NUP153: variants seen among roughly 807,000 people sequenced by gnomAD.
The protein encoded by NUP153 is nucleoporin 153, also known as nuclear pore complex protein Nup153.
In NUP153, 27 loss-of-function variants were observed where a neutral mutation model predicts 134.6. That is an observed-to-expected ratio of 0.20 (90% confidence interval 0.15 to 0.28). The LOEUF is 0.28. Ranked by LOEUF, NUP153 falls within the 10% of genes least tolerant of loss-of-function variation. The probability of loss-of-function intolerance (pLI) is 1.00; values close to 1 mark genes in which losing one functional copy is unlikely to be tolerated. For synonymous variants in NUP153, 640 were observed against 623.5 expected (o/e 1.03, Z -0.40); for missense variants, 1,821 against 1,731.3 (o/e 1.05, Z -0.92).
At chr6:17,634,073 TTC>T (rs1336711632) in intron 16 of NUP153, among the ~76,000 whole-genome samples, 1 of 152,084 alleles carries the variant, frequency 6.6e-6, no homozygotes, top group African/African-American at 2.4e-5. Context: ...TTCAATCAAT[TTC>T]TGACTCTTCT....
intron 15 of NUP153, among the ~76,000 whole-genome samples, chr6:17,639,112 C>T (rs1465949903): frequency 6.6e-6 from 1 of 151,470 alleles, no homozygotes; most frequent in Non-Finnish European, 1.5e-5. Flanking sequence ...GAGTCTTGCT[C>T]TGTCGCCCAG....
chr6:17,646,002 A>G (rs1766151551), intron 14 of NUP153, 65 bp downstream of exon 14: 1 of 612,094 alleles, frequency 1.6e-6, no homozygotes, highest in South Asian at 2.3e-5. Flanking sequence ...AGGTGAAAGA[A>G]GCTGAAATAC....
At chr6:17,701,842 GGGAAA>G (rs1055035039) in intron 1 of NUP153, among the ~76,000 whole-genome samples, 2 of 102,912 alleles carry the variant, frequency 1.9e-5, no homozygotes, top group African/African-American at 3.6e-5. Context: ...CGGGGGGGGG[GGGAAA>G]AAAGCTAAAT....
chr6:17,682,382 A>G (rs963081609), intron 2 of NUP153, among the ~76,000 whole-genome samples: 9 of 152,152 alleles, frequency 5.9e-5, no homozygotes, highest in Admixed American at 3.3e-4. Context: ...GGTTGGTTGT[A>G]GCAATTTCTT....
chr6:17,647,578 T>C (rs929818568), intron 13 of NUP153, among the ~76,000 whole-genome samples: 6 of 152,354 alleles, frequency 3.9e-5, no homozygotes, highest in Admixed American at 3.3e-4. Flanking sequence ...GGAAATCCAG[T>C]TGTTTGCATT....
chr6:17,631,961 A>G (rs1054316682), intron 17 of NUP153, among the ~76,000 whole-genome samples: 1 of 151,268 alleles, frequency 6.6e-6, no homozygotes, highest in Non-Finnish European at 1.5e-5. Context: ...GCAAGACACC[A>G]TCTCAAAAAA....
intron 2 of NUP153, 92 bp downstream of exon 2, chr6:17,688,304 C>T (rs1322311408): frequency 6.8e-6 from 6 of 877,220 alleles, no homozygotes; most frequent in East Asian, 2.5e-5. Context: ...GTTTATGTAC[C>T]GCCTGATTAG....
At chr6:17,688,716 T>C in intron 1 of NUP153, 98 bp from the exon 2 acceptor site, 1 of 902,562 alleles carries the variant, frequency 1.1e-6, no homozygotes, top group African/African-American at 1.7e-5. Context: ...AACACAATGG[T>C]GTCCAACAAG....
intron 20 of NUP153, among the ~76,000 whole-genome samples, chr6:17,617,290 G>A (rs554054297): frequency 2.2e-4 from 34 of 152,150 alleles, no homozygotes; most frequent in African/African-American, 7.5e-4. Flanking sequence ...TCTTTGAAAA[G>A]TGCATTAAAA....
At chr6:17,653,376 C>T (rs572554743) in intron 11 of NUP153, among the ~76,000 whole-genome samples, 1 of 152,254 alleles carries the variant, frequency 6.6e-6, no homozygotes, top group South Asian at 2.1e-4. Context: ...TGAGATACCA[C>T]CACACACAAA....
At chr6:17,667,744 AAC>A (rs1490151702) in intron 8 of NUP153, among the ~76,000 whole-genome samples, 1 of 152,098 alleles carries the variant, frequency 6.6e-6, no homozygotes, top group Non-Finnish European at 1.5e-5. Flanking sequence ...AGAAAAATCC[AAC>A]AGTCTGCTTT....
chr6:17,663,836 G>C (rs1204911938), intron 9 of NUP153, among the ~76,000 whole-genome samples: 1 of 151,966 alleles, frequency 6.6e-6, no homozygotes, highest in Non-Finnish European at 1.5e-5. Context: ...CAGATTATGG[G>C]ACATTTTATA....
rs1768148374 is a variant in NUP153 at position 17,675,278 on chromosome 6, C to G, written c.674G>C (p.Ser225Thr). ...CAAGTTGAATGCTGGTTTTTTTGAG[C>G]TGGTGGCAGTGTGCTGTGAGAGTGA... The part of the protein sequence containing the change: ...SHSLSQHTAT[S>T]SKKPAFNLSA... The change falls in exon 4 of 22, where the codon AGC becomes ACC. Residue 225 changes from serine (S) to threonine (T), a missense_variant. Physicochemically the swap from Ser to Thr is moderately conservative, Grantham distance 58. Coordinates refer to ENST00000262077, the MANE Select transcript of NUP153 (RefSeq NM_005124.4). This position sits in a 1 kb window ranked among gnomAD's most constrained non-coding sequence, Gnocchi z 4.4. 1 of 1,613,878 alleles carries G rather than the reference C, an allele frequency of 6.2e-7. No homozygotes were observed. The highest frequency in any genetic ancestry group is 1.7e-5 in the Admixed American group (1 of 59,998).
rs964060853 is a variant in NUP153 at position 17,680,907 on chromosome 6, C to A, written c.335-5137G>T. Among the ~76,000 whole-genome samples the A allele has an allele frequency of 6.6e-6, 1 of 152,104 alleles. No homozygotes were observed. The highest frequency in any genetic ancestry group is 2.4e-5 in the African/African-American group (1 of 41,410). On this transcript the variant is annotated intron_variant, in intron 2 of 21. Transcript: ENST00000262077. The surrounding 1 kb of genome is among the most constrained non-coding windows in gnomAD (Gnocchi z 4.5). Reference sequence around the variant, plus strand: ...ACTAAAAGTAGAACCACAATATGATCCAACAATCCCACTGCTGGGTATATA... The same window carrying A: ...ACTAAAAGTAGAACCACAATATGATACAACAATCCCACTGCTGGGTATATA...
In NUP153 at chr6:17,661,637, GA is replaced by G. The variant is rs1176043574; in HGVS notation, c.1395+15del. On this transcript the variant is annotated intron_variant, in intron 11 of 21. Transcript: ENST00000262077. ...TTTTAAATAAACCTCAAGAGTATAT[GA>G]GTATACAACCCTACCTCCTCCTCCA... The G allele has an allele frequency of 6.2e-7, 1 of 1,609,356 alleles. No individual in the cohort carries two copies. Among genetic ancestry groups the G allele is most frequent in the Non-Finnish European group, 8.5e-7 (1 of 1,177,878 alleles).
At chr6:17,678,613 G>A (rs1173522562) in intron 2 of NUP153, among the ~76,000 whole-genome samples, 2 of 152,198 alleles carry the variant, frequency 1.3e-5, no homozygotes, top group Non-Finnish European at 2.9e-5. Flanking sequence ...GACTGTATTT[G>A]CCATTCTGTA....
intron 12 of NUP153, 76 bp from the exon 13 acceptor site, chr6:17,647,981 C>A: frequency 2.3e-6 from 2 of 870,034 alleles, no homozygotes; most frequent in Admixed American, 2.1e-5. Context: ...AGACATTAAG[C>A]AAACTGATTA....
chr6:17,628,731 T>C lies in NUP153; in HGVS notation c.3468A>G (p.Thr1156=), dbSNP rs191056487. 5.6e-6 allele frequency: 9 copies of C among 1,614,148 alleles called. No homozygotes were observed. In the African/African-American group the frequency reaches 1.1e-4, roughly 19 times the overall value. ...GTTCAGATTCCTTCTCAGATGGTTT[T>C]GTCATACTAAAACTAAATGTGGACT... ...SSKSTFSFSM[T]KPSEKESEQP... is the part of the protein sequence containing the mutation. The change falls in exon 18 of 22, where the codon ACA becomes ACG. Residue 1156 remains threonine (T), a synonymous_variant. Coordinates refer to ENST00000262077, the MANE Select transcript of NUP153 (RefSeq NM_005124.4). The surrounding 1 kb of genome is among the most constrained non-coding windows in gnomAD (Gnocchi z 5.4).
intron 20 of NUP153, among the ~76,000 whole-genome samples, chr6:17,620,576 C>G (rs1231035438): frequency 6.6e-6 from 1 of 152,212 alleles, no homozygotes; most frequent in Admixed American, 6.5e-5. Context: ...GGACATTGGT[C>G]TAAGCCAAGC....
Sources: gnomAD v4.1 joint callset for allele counts (sites outside exome capture counted in the v4.1 genomes callset) on GRCh38, gnomAD v4.1.1 for gene constraint, Gnocchi (gnomAD v3.1) non-coding constraint, MANE v1.5 for transcripts, NCBI Gene and HGNC (gene_info 2026-07-23, HGNC 2026-07-21) for gene names.